Variants in NAF1 observed in about 807,000 individuals in gnomAD.
NAF1 encodes nuclear assembly factor 1 ribonucleoprotein.
In NAF1, 11 loss-of-function variants were observed where a neutral mutation model predicts 40.6. That is an observed-to-expected ratio of 0.27 (90% confidence interval 0.17 to 0.45). The LOEUF is 0.45. Among genes scored for constraint, NAF1 ranks in the 20% least tolerant of loss-of-function variants. The probability of loss-of-function intolerance (pLI) is 1.00; values close to 1 mark genes in which losing one functional copy is unlikely to be tolerated. For synonymous variants in NAF1, 260 were observed against 228.5 expected (o/e 1.14, Z -1.24); for missense variants, 607 against 611.1 (o/e 0.99, Z 0.07).
chr4:163,105,274 C>A (rs1445573521), downstream of NAF1, among the ~76,000 whole-genome samples: 1 of 152,170 alleles, frequency 6.6e-6, no homozygotes, highest in African/African-American at 2.4e-5. Context: ...CAGTTTACTT[C>A]ATGATATAAT....
At chr4:163,115,450 C>T (rs944267709) in intron 2 of NAF1, among the ~76,000 whole-genome samples, 6 of 152,106 alleles carry the variant, frequency 3.9e-5, no homozygotes, top group Non-Finnish European at 7.4e-5. Flanking sequence ...CCCGCCTCGG[C>T]CTCCCAAAGT....
intron 2 of NAF1, among the ~76,000 whole-genome samples, chr4:163,152,841 T>A (rs911704900): frequency 1.8e-4 from 28 of 152,172 alleles, no homozygotes; most frequent in African/African-American, 6.5e-4. Context: ...CAGAGAGGTG[T>A]GGAGGGAGAG....
chr4:163,129,160 C>T lies in NAF1; in HGVS notation c.1222G>A (p.Gly408Arg). The change falls in exon 8 of 8, where the codon GGA becomes AGA. Residue 408 changes from glycine (G) to arginine (R), a missense_variant. Transcript: ENST00000274054. Reference sequence around the variant, plus strand: ...TTATTTTGTCTCTGAGAAGGAAATCCTGAAGTCTCCTGAGATACCATATGT... The same window carrying T: ...TTATTTTGTCTCTGAGAAGGAAATCTTGAAGTCTCCTGAGATACCATATGT... ...SEHMVSQETS[G>R]FPSQRQNNPI... The T allele has an allele frequency of 1.9e-6, 3 of 1,613,878 alleles. No individual in the cohort carries two copies. Among genetic ancestry groups the T allele is most frequent in the South Asian group, 1.1e-5 (1 of 91,072 alleles).
At chr4:163,154,810 G>A (rs1343217202) in intron 2 of NAF1, among the ~76,000 whole-genome samples, 1 of 151,960 alleles carries the variant, frequency 6.6e-6, no homozygotes, top group Admixed American at 6.6e-5. Flanking sequence ...GATGGAGGTT[G>A]CAGTGAGCAG....
At chr4:163,127,185 A>C (rs1730685591), downstream of NAF1, 3 of 1,507,542 alleles carry the variant, frequency 2.0e-6, no homozygotes, top group Non-Finnish European at 2.7e-6. Flanking sequence ...GCTGGAGTGC[A>C]ATGGTGTGAT....
chr4:163,159,173 T>C (rs1009748958), intron 2 of NAF1, among the ~76,000 whole-genome samples: 3 of 152,142 alleles, frequency 2.0e-5, no homozygotes, highest in African/African-American at 7.2e-5. Flanking sequence ...AAACAGTATT[T>C]ATTTCATGTT....
At position 163,133,217 on chromosome 4, in the gene NAF1, T is replaced by C; in HGVS notation, c.970A>G (p.Lys324Glu). The C allele has an allele frequency of 6.2e-7, 1 of 1,613,870 alleles. No individual in the cohort carries two copies. The highest frequency in any genetic ancestry group is 1.3e-5 in the African/African-American group (1 of 75,052). The change falls in exon 7 of 8, where the codon AAA becomes GAA. Residue 324 changes from lysine (K) to glutamate (E), a missense_variant. Coordinates refer to ENST00000274054, the MANE Select transcript of NAF1 (RefSeq NM_138386.3). ...FSDDEKEKEA[K>E]QRKKSQIQGR... ...TGAATCTGAGATTTTTTCCTCTGTT[T>C]GGCTTCCTTCTCTTTTTCATCATCA...
chr4:163,127,641 A>G (rs1260570022), downstream of NAF1, among the ~76,000 whole-genome samples: 2 of 152,188 alleles, frequency 1.3e-5, no homozygotes, highest in African/African-American at 4.8e-5. Flanking sequence ...TTGCAAAAAT[A>G]TTTTTAAAAA....
downstream of NAF1, among the ~76,000 whole-genome samples, chr4:163,125,895 A>G (rs1224062528): frequency 6.6e-6 from 1 of 152,146 alleles, no homozygotes; most frequent in Non-Finnish European, 1.5e-5. Flanking sequence ...AATTCCAAAA[A>G]TCCTAGGGTC....
downstream of NAF1, among the ~76,000 whole-genome samples, chr4:163,123,232 T>C (rs1470712033): frequency 6.6e-6 from 1 of 152,124 alleles, no homozygotes; most frequent in African/African-American, 2.4e-5. Flanking sequence ...AGCTCTTGTG[T>C]GAACTAACAG....
intron 2 of NAF1, among the ~76,000 whole-genome samples, chr4:163,116,465 C>T (rs980963135): frequency 6.6e-6 from 1 of 152,158 alleles, no homozygotes; most frequent in Non-Finnish European, 1.5e-5. Flanking sequence ...CAGTTAGTTT[C>T]TAGCAGAATT....
At chr4:163,126,950 T>C (rs1730674246), downstream of NAF1, 1 of 1,541,222 alleles carries the variant, frequency 6.5e-7, no homozygotes, top group Non-Finnish European at 8.8e-7. Context: ...CCAATTGAGA[T>C]ATGCACATTG....
chr4:163,110,374 T>A (rs1268875229), intron 2 of NAF1: 1 of 655,324 alleles, frequency 1.5e-6, no homozygotes, highest in Non-Finnish European at 2.7e-6. Flanking sequence ...ATTGTTATAA[T>A]TGTCCTATTG....
In NAF1 at chr4:163,166,463, A is replaced by T. The variant is rs774610958; in HGVS notation, c.265T>A (p.Ser89Thr). 154 of 1,604,866 alleles carry T rather than the reference A, an allele frequency of 9.6e-5. No individual in the cohort carries two copies. The highest frequency in any genetic ancestry group is 2.7e-4 in the South Asian group (24 of 90,286). ...PAPQPQPPAESPACGDCVTSP... is the reference protein window; with the variant it reads ...PAPQPQPPAETPACGDCVTSP... ...GTGACGCAGTCTCCGCAGGCCGGCG[A>T]TTCAGCCGGTGGCTGTGGCTGCGGC... The change falls in exon 1 of 8, where the codon TCG becomes ACG. Residue 89 changes from serine (S) to threonine (T), a missense_variant. By Grantham distance (58) the Ser-to-Thr change is moderately conservative. Transcript: ENST00000274054.
In NAF1 at chr4:163,128,956, G is replaced by A. The variant is rs1730754352; in HGVS notation, c.1426C>T (p.Pro476Ser). 7.0e-7 allele frequency: 1 copy of A among 1,429,266 alleles called. No homozygotes were observed. Among genetic ancestry groups the A allele is most frequent in the Non-Finnish European group, 9.7e-7 (1 of 1,027,980 alleles). The allele number at this position is 1,429,266 out of a possible 1,614,324, so 88.5% of individuals were successfully genotyped here. Residue 476 changes from proline to serine, a missense_variant, in exon 8 of 8, where the codon CCA becomes TCA. By Grantham distance (74) the Pro-to-Ser change is moderately conservative. Transcript: ENST00000274054. ...YSLPPPPPPP[P>S]LPPPPSSGDS... ...CCAGAAGAGGGTGGAGGAGGCAGTG[G>A]TGGAGGGGGAGGGGGTGGGGGTAGG...
At chr4:163,144,035 A>G (rs1731363445) in intron 4 of NAF1, 1 of 975,944 alleles carries the variant, frequency 1.0e-6, no homozygotes, top group Non-Finnish European at 1.2e-6. Context: ...TATAATACAG[A>G]GTCCTCTAGA....
rs1308481913 is a variant in NAF1, at chr4:163,166,707, G to A, written c.21C>T (p.Ala7=). 3 of 1,613,284 alleles carry A rather than the reference G, an allele frequency of 1.9e-6. No individual in the cohort carries two copies. Among genetic ancestry groups the A allele is most frequent in the Admixed American group, 1.7e-5 (1 of 60,026 alleles). MEVVEA[A]AAQLETLKFN... is the part of the protein sequence containing the mutation. ...ATTTCAGAGTTTCCAGCTGAGCGGC[G>A]GCGGCCTCCACTACCTCCATCGCAC... The change falls in exon 1 of 8, where the codon GCC becomes GCT. Residue 7 remains alanine (A), a synonymous_variant. Transcript: ENST00000274054.
intron 7 of NAF1, among the ~76,000 whole-genome samples, chr4:163,130,795 T>C (rs1730840679): frequency 6.6e-6 from 1 of 152,238 alleles, no homozygotes; most frequent in Non-Finnish European, 1.5e-5. Context: ...TAATTCAAAA[T>C]GGACCACAGA....
At chr4:163,165,726 G>A (rs572673783) in intron 1 of NAF1, among the ~76,000 whole-genome samples, 129 of 152,252 alleles carry the variant, frequency 8.5e-4, no homozygotes, top group Non-Finnish European at 1.0e-3. Context: ...CATCCCACAT[G>A]CTGGAGTCCT....
Sources: allele counts gnomAD v4.1 joint callset (sites outside exome capture counted in the v4.1 genomes callset), GRCh38; gene constraint gnomAD v4.1.1; transcripts MANE v1.5; gene names NCBI Gene and HGNC (gene_info 2026-07-23, HGNC 2026-07-21).